TVP23C: variants seen among roughly 807,000 people sequenced by gnomAD.
TVP23C encodes the protein Golgi apparatus membrane protein TVP23 homolog C.
A neutral mutation model predicts 28.7 loss-of-function variants in TVP23C; 19 were observed. The ratio of observed to expected loss-of-function variants is 0.66; its 90% confidence interval spans 0.46 to 0.97. The LOEUF (loss-of-function observed/expected upper bound fraction) is 0.97, where lower values mean the gene tolerates loss of function less well. Ranked by LOEUF, TVP23C falls within the 50% of genes least tolerant of loss-of-function variation. The probability of loss-of-function intolerance (pLI) is 0.00; values close to 1 mark genes in which losing one functional copy is unlikely to be tolerated. For synonymous variants in TVP23C, 68 were observed against 81.7 expected (o/e 0.83, Z 0.90); for missense variants, 186 against 241.3 (o/e 0.77, Z 1.52).
At chr17:15,547,262 T>C in intron 3 of TVP23C, 114 bp from the exon 4 acceptor site, 2 of 1,446,112 alleles carry the variant, frequency 1.4e-6, no homozygotes, top group South Asian at 1.4e-5. Flanking sequence ...TTTACCTCCA[T>C]AATATCCAGT....
chr17:15,547,498 A>G (rs988912494), intron 3 of TVP23C, among the ~76,000 whole-genome samples: 1 of 152,202 alleles, frequency 6.6e-6, no homozygotes, highest in Non-Finnish European at 1.5e-5. Context: ...CTATAGCTAC[A>G]TATATTTTAC....
chr17:15,530,344 GAT>G (rs1465686330), intron 5 of TVP23C, among the ~76,000 whole-genome samples: 2 of 152,004 alleles, frequency 1.3e-5, no homozygotes, highest in African/African-American at 2.4e-5. Flanking sequence ...TAGGGACTAT[GAT>G]TAATATCTTA....
chr17:15,559,690 T>C (rs1365255272), intron 1 of TVP23C, among the ~76,000 whole-genome samples: 1 of 148,094 alleles, frequency 6.8e-6, no homozygotes, highest in Non-Finnish European at 1.5e-5. Flanking sequence ...ATGGATGCAG[T>C]GGAGGTGATG....
chr17:15,548,593 T>C (rs1983749725), intron 3 of TVP23C, among the ~76,000 whole-genome samples: 1 of 152,252 alleles, frequency 6.6e-6, no homozygotes, highest in Non-Finnish European at 1.5e-5. Flanking sequence ...ACCACAGACA[T>C]TTTTCATTTT....
Position 15,503,212 on chromosome 17 carries a change from G to A in TVP23C, c.483C>T (p.Ala161=), listed in dbSNP as rs777770283. ...AGCCCAAGACTTTCAGACCAGTCTG[G>A]GCAATGTGGCGAGACCGTCTCTACA... The change falls in exon 6 of 6, where the codon GCC becomes GCT. Residue 161 remains alanine (A), a synonymous_variant. Coordinates refer to the TVP23C transcript ENST00000225576. The A allele has an allele frequency of 4.5e-6, 7 of 1,540,896 alleles. No individual in the cohort carries two copies. In the South Asian group the frequency reaches 7.2e-5, roughly 16 times the overall value.
In TVP23C at chr17:15,515,801, T is replaced by TG. The variant is rs1484046462; in HGVS notation, c.463-12570dup. 3.9e-5 allele frequency among the ~76,000 whole-genome samples: 6 copies of TG among 152,154 alleles called. No homozygotes were observed. The South Asian group carries it at 1.2e-3, about 32-fold the overall frequency. On this transcript the variant is annotated intron_variant, in intron 5 of 5. Transcript: ENST00000225576. ...GATGAATGAATGATGGGCACAGTGATGGAGTTTGGATCTGTGTCCCTGCCT... is the reference window on the plus strand; with the variant it reads ...GATGAATGAATGATGGGCACAGTGATGGGAGTTTGGATCTGTGTCCCTGCCT...
chr17:15,517,715 C>T (rs193079011), intron 5 of TVP23C, among the ~76,000 whole-genome samples: 1 of 152,120 alleles, frequency 6.6e-6, no homozygotes, highest in Non-Finnish European at 1.5e-5. Context: ...TGTTGCCATC[C>T]CACCCTAAAC....
At chr17:15,548,792 T>C (rs1456390157) in intron 3 of TVP23C, among the ~76,000 whole-genome samples, 4 of 152,246 alleles carry the variant, frequency 2.6e-5, no homozygotes, top group South Asian at 2.1e-4. Flanking sequence ...TACCAAACCT[T>C]ATATATGCTA....
chr17:15,526,610 C>G (rs1982738036), intron 5 of TVP23C, among the ~76,000 whole-genome samples: 1 of 152,146 alleles, frequency 6.6e-6, no homozygotes, highest in Non-Finnish European at 1.5e-5. Flanking sequence ...GGATTTAGTC[C>G]TAACTCACCA....
intron 1 of TVP23C, among the ~76,000 whole-genome samples, chr17:15,556,549 G>A (rs186478527): frequency 1.3e-3 from 197 of 152,012 alleles, no homozygotes; most frequent in Non-Finnish European, 1.9e-3. Context: ...TTTTTTAGTA[G>A]AGACAGGTTT....
chr17:15,544,372 G>T (rs1983552024), intron 5 of TVP23C, among the ~76,000 whole-genome samples: 1 of 152,150 alleles, frequency 6.6e-6, no homozygotes, highest in Non-Finnish European at 1.5e-5. Flanking sequence ...TGAACAACCA[G>T]TAAGAAATAT....
At chr17:15,559,941 A>C (rs1247727725) in intron 1 of TVP23C, among the ~76,000 whole-genome samples, 1 of 149,642 alleles carries the variant, frequency 6.7e-6, no homozygotes, top group African/African-American at 2.4e-5. Context: ...AAGGAACATA[A>C]GGTGAGCCAG....
At chr17:15,543,292 C>T (rs1378972588) in intron 5 of TVP23C, among the ~76,000 whole-genome samples, 1 of 149,652 alleles carries the variant, frequency 6.7e-6, no homozygotes, top group Non-Finnish European at 1.5e-5. Flanking sequence ...GATTCACCCG[C>T]ACTAAACCAG....
chr17:15,550,952 A>T (rs1983856682), intron 3 of TVP23C, among the ~76,000 whole-genome samples: 2 of 152,080 alleles, frequency 1.3e-5, no homozygotes, highest in South Asian at 4.1e-4. Flanking sequence ...ATTATAATGA[A>T]TTTGCTATTA....
At chr17:15,553,577 A>G in intron 3 of TVP23C, 108 bp downstream of exon 3, 1 of 1,401,274 alleles carries the variant, frequency 7.1e-7, no homozygotes, top group Non-Finnish European at 9.5e-7. Flanking sequence ...TTCAACACAG[A>G]TGAGGTTTGA....
At chr17:15,549,251 G>A (rs1404567181) in intron 3 of TVP23C, among the ~76,000 whole-genome samples, 2 of 152,146 alleles carry the variant, frequency 1.3e-5, no homozygotes, top group African/African-American at 2.4e-5. Context: ...AATGAAGAAA[G>A]TACAATCTAT....
chr17:15,535,810 G>A (rs1410373168), downstream of TVP23C, among the ~76,000 whole-genome samples: 2 of 152,122 alleles, frequency 1.3e-5, no homozygotes, highest in Admixed American at 6.5e-5. Flanking sequence ...GCACTGTATC[G>A]ACAAGAATCC....
At position 15,507,124 on chromosome 17, in the gene TVP23C, C is replaced by T. The variant is rs185865652; in HGVS notation, c.463-3892G>A. On this transcript the variant is annotated intron_variant, in intron 5 of 5. Transcript: ENST00000225576. The stretch of plus-strand genomic sequence containing the variant: ...GAGAAATTTGATGTCGAGGACTTCA[C>T]CCTAAAGCATACAGGTCCTGACATC... 7.4e-5 allele frequency: 67 copies of T among 900,266 alleles called. 1 individual carries two copies. The East Asian group carries it at 1.6e-3, about 22-fold the overall frequency. 55.8% of individuals were successfully genotyped at this position (900,266 alleles called of 1,614,324 possible).
intron 5 of TVP23C, among the ~76,000 whole-genome samples, chr17:15,544,449 A>G (rs571498173): frequency 3.5e-4 from 54 of 152,152 alleles, no homozygotes; most frequent in African/African-American, 1.0e-3. Flanking sequence ...ACAAGAGAGA[A>G]AGGAGGAAAC....
Sources: allele counts gnomAD v4.1 joint callset (sites outside exome capture counted in the v4.1 genomes callset), GRCh38; gene constraint gnomAD v4.1.1; transcripts MANE v1.5; gene names NCBI Gene and HGNC (gene_info 2026-07-23, HGNC 2026-07-21).